SNX29: variants seen among roughly 807,000 people sequenced by gnomAD.
The protein encoded by SNX29 is sorting nexin 29, also known as sorting nexin-29.
A neutral mutation model predicts 102.1 loss-of-function variants in SNX29; 78 were observed. The ratio of observed to expected loss-of-function variants is 0.76; its 90% CI spans 0.64 to 0.92. SNX29 has a LOEUF of 0.92. Ranked by LOEUF, SNX29 falls within the 40% of genes least tolerant of loss-of-function variation. SNX29 has a pLI of 0.00. For synonymous variants in SNX29, 580 were observed against 414.5 expected (o/e 1.40, Z -4.85); for missense variants, 1,280 against 1,061.7 (o/e 1.21, Z -2.86).
At chr16:12,334,157 A>G (rs1445295490) in intron 15 of SNX29, among the ~76,000 whole-genome samples, 1 of 152,172 alleles carries the variant, frequency 6.6e-6, no homozygotes, top group East Asian at 1.9e-4. Flanking sequence ...GTTTTGAGTA[A>G]AGACAAGTGC....
intron 20 of SNX29, among the ~76,000 whole-genome samples, chr16:12,566,796 G>A (rs778022276): frequency 1.3e-5 from 2 of 152,194 alleles, no homozygotes; most frequent in Non-Finnish European, 2.9e-5. Flanking sequence ...AGGCTGGTTG[G>A]GCTCAGAGAT....
rs59942122 is a variant in SNX29 at position 12,447,165 on chromosome 16, C to CAAAAAAAAAAA, written c.2038-30532_2038-30522dup. On this transcript the variant is annotated intron_variant, in intron 18 of 20. Coordinates refer to ENST00000566228, the MANE Select transcript of SNX29 (RefSeq NM_032167.5). ...CTGGCGACAGAGGGAGACTCTGTCTCAAAAAAAAAAAAAAAAAAAAAAAAA... is the reference window on the plus strand; with the variant it reads ...CTGGCGACAGAGGGAGACTCTGTCTCAAAAAAAAAAAAAAAAAAAAAAAAAAAAAAAAAAAA... Among the ~76,000 whole-genome samples the CAAAAAAAAAAA allele has an allele frequency of 1.3e-3, 57 of 43,924 alleles. 1 individual carries two copies. The highest frequency in any genetic ancestry group is 2.9e-3 in the South Asian group (2 of 700). The allele number at this position is 43,924 out of a possible 152,430, so 28.8% of individuals were successfully genotyped here. A position where few individuals can be genotyped will look rare whatever the true frequency, so the allele number is the denominator to read the frequency against.
chr16:12,100,587 T>C (rs1383056854), intron 11 of SNX29, among the ~76,000 whole-genome samples: 1 of 152,010 alleles, frequency 6.6e-6, no homozygotes, highest in Non-Finnish European at 1.5e-5. Context: ...AGGTGACTTT[T>C]GAGTAGGGGC....
In SNX29 at chr16:12,034,232, A is replaced by T. The variant is rs201593240; in HGVS notation, c.247+6788A>T. ...TCTGTAGAAAATTAATTTTGGAGGA[A>T]GCTGCATGTGCCAGGGGAGCCCTGG... is the stretch of plus-strand genomic sequence containing the variant. On this transcript the variant is annotated intron_variant, in intron 4 of 20. Coordinates refer to ENST00000566228, the MANE Select transcript of SNX29 (RefSeq NM_032167.5). Among the ~76,000 whole-genome samples, 621 of 152,340 alleles carry T rather than the reference A, an allele frequency of 4.1e-3. 29 individuals are homozygous for T. In the East Asian group the frequency reaches 0.099, roughly 24 times the overall value.
At chr16:12,436,859 G>T (rs545972093) in intron 18 of SNX29, among the ~76,000 whole-genome samples, 8 of 152,254 alleles carry the variant, frequency 5.3e-5, no homozygotes, top group African/African-American at 1.9e-4. Flanking sequence ...TGCCATAGTG[G>T]CTAGGCTGGT....
At chr16:12,087,959 A>T (rs901245813) in intron 11 of SNX29, 1 of 456,624 alleles carries the variant, frequency 2.2e-6, no homozygotes, top group African/African-American at 2.0e-5. Context: ...CCTGTTGGGC[A>T]GTGGGTCCTC....
intron 15 of SNX29, among the ~76,000 whole-genome samples, chr16:12,354,036 T>C (rs1301356162): frequency 2.0e-5 from 3 of 152,230 alleles, no homozygotes; most frequent in Non-Finnish European, 4.4e-5. Context: ...TTGTGCAGCC[T>C]ACTTTTATTT....
chr16:12,532,661 C>T (rs1038332126), intron 20 of SNX29, among the ~76,000 whole-genome samples: 5 of 152,262 alleles, frequency 3.3e-5, no homozygotes, highest in South Asian at 2.1e-4. Flanking sequence ...AATTGGCTGA[C>T]ATATGGGGGA....
chr16:12,076,304 T>C (rs1297987211), intron 10 of SNX29, among the ~76,000 whole-genome samples: 9 of 84,880 alleles, frequency 1.1e-4, no homozygotes, highest in East Asian at 3.9e-4. Context: ...GGCTCCTCCC[T>C]TTTTTTTTTT....
intron 14 of SNX29, among the ~76,000 whole-genome samples, chr16:12,245,652 C>T (rs1183529329): frequency 1.3e-5 from 2 of 152,150 alleles, no homozygotes; most frequent in African/African-American, 2.4e-5. Context: ...TGCTACCACT[C>T]CTCCTCCTGG....
Position 12,532,896 on chromosome 16 carries a change from G to C in SNX29, c.2318+8055G>C, listed in dbSNP as rs1310311570. 2.6e-5 allele frequency among the ~76,000 whole-genome samples: 4 copies of C among 152,332 alleles called. No individual in the cohort carries two copies. In the East Asian group the frequency reaches 7.7e-4, roughly 29 times the overall value. ...GAGAGAGCTGCAGAATCAACACCTAGCCCCAGAGCGTTAAGAACAGCAGGC... is the reference window on the plus strand; with the variant it reads ...GAGAGAGCTGCAGAATCAACACCTACCCCCAGAGCGTTAAGAACAGCAGGC... On this transcript the variant is annotated intron_variant, in intron 20 of 20. Coordinates refer to ENST00000566228, the MANE Select transcript of SNX29 (RefSeq NM_032167.5).
intron 20 of SNX29, chr16:12,560,843 G>T (rs1204495047): frequency 1.1e-5 from 2 of 182,410 alleles, no homozygotes; most frequent in East Asian, 9.0e-5. Flanking sequence ...CCGGCTTAAG[G>T]ATGTTATGAG....
intron 18 of SNX29, among the ~76,000 whole-genome samples, chr16:12,411,756 A>G (rs112743618): frequency 0.016 from 2,388 of 152,252 alleles, 48 homozygotes; most frequent in African/African-American, 0.038. Flanking sequence ...AGAGAAAGGA[A>G]CAAGGAGGAG....
intron 16 of SNX29, among the ~76,000 whole-genome samples, chr16:12,389,275 G>C (rs978374886): frequency 1.3e-5 from 2 of 152,136 alleles, no homozygotes; most frequent in African/African-American, 4.8e-5. Flanking sequence ...GATTGGCTGT[G>C]TCCCCACCCA....
chr16:12,134,870 G>T (rs565244821), intron 13 of SNX29, among the ~76,000 whole-genome samples: 15 of 152,270 alleles, frequency 9.9e-5, no homozygotes, highest in African/African-American at 2.9e-4. Flanking sequence ...TCTAGAAAGG[G>T]GTTTATCGTA....
In SNX29 at chr16:12,568,201, G is replaced by A. The variant is rs573343320; in HGVS notation, c.2319-305G>A. Reference sequence around the variant, plus strand: ...AGGAAAATGTGGGGAAGAAAGCTGTGCCTAGAACATTCTTTCATAGCCTTA... The same window carrying A: ...AGGAAAATGTGGGGAAGAAAGCTGTACCTAGAACATTCTTTCATAGCCTTA... On this transcript the variant is annotated intron_variant, in intron 20 of 20. Coordinates refer to ENST00000566228, the MANE Select transcript of SNX29 (RefSeq NM_032167.5). Among the ~76,000 whole-genome samples the A allele has an allele frequency of 9.9e-5, 15 of 151,586 alleles. No individual in the cohort carries two copies. The East Asian group carries it at 2.4e-3, about 24-fold the overall frequency.
chr16:12,477,219 C>T (rs2087696027), intron 18 of SNX29, among the ~76,000 whole-genome samples: 1 of 152,140 alleles, frequency 6.6e-6, no homozygotes, highest in Non-Finnish European at 1.5e-5. Context: ...CAGCTCTTGC[C>T]CCCTCCCTTC....
intron 18 of SNX29, among the ~76,000 whole-genome samples, chr16:12,421,319 C>G (rs2084862247): frequency 6.6e-6 from 1 of 152,204 alleles, no homozygotes; most frequent in Non-Finnish European, 1.5e-5. Flanking sequence ...TGCCCTTTAA[C>G]AAGTCCAGAC....
intron 19 of SNX29, among the ~76,000 whole-genome samples, chr16:12,488,390 C>T (rs945167955): frequency 2.6e-5 from 4 of 152,142 alleles, no homozygotes; most frequent in South Asian, 2.1e-4. Flanking sequence ...GTTCATTTCT[C>T]ATACTCCATC....
Sources: allele counts gnomAD v4.1 joint callset (sites outside exome capture counted in the v4.1 genomes callset), GRCh38; gene constraint gnomAD v4.1.1; transcripts MANE v1.5; gene names NCBI Gene and HGNC (gene_info 2026-07-23, HGNC 2026-07-21).